SEC14L5: variants seen among roughly 807,000 people sequenced by gnomAD.
The protein encoded by SEC14L5 is SEC14 like lipid binding 5.
In SEC14L5, 96 loss-of-function variants were observed where a neutral mutation model predicts 84.6. The ratio of observed to expected loss-of-function variants is 1.13; its 90% CI spans 0.96 to 1.34. SEC14L5 has a LOEUF of 1.34. Among genes scored for constraint, SEC14L5 ranks in the 40% most tolerant of loss-of-function variants. The probability of loss-of-function intolerance (pLI) is 0.00; values close to 1 mark genes in which losing one functional copy is unlikely to be tolerated. For missense variants in SEC14L5, 1,224 were observed against 942.5 expected, an observed-to-expected ratio of 1.30 and a Z score of -3.91; for synonymous variants, 546 against 383.4, an observed-to-expected ratio of 1.42 and a Z score of -4.95.
At position 5,018,235 on chromosome 16, in the gene SEC14L5, T is replaced by G. The variant is rs960085437; in HGVS notation, c.*3265T>G. 2 of 152,246 alleles carry G rather than the reference T, an allele frequency of 1.3e-5. No individual in the cohort carries two copies. Among genetic ancestry groups the G allele is most frequent in the African/African-American group, 2.4e-5 (1 of 41,466 alleles). 9.4% of individuals were successfully genotyped at this position (152,246 alleles called of 1,614,324 possible). On this transcript the variant is annotated 3_prime_UTR_variant, in exon 16 of 16. Coordinates refer to ENST00000251170, the MANE Select transcript of SEC14L5 (RefSeq NM_014692.2). ...CATTAATGTCAGTGGTCATTCTGAT[T>G]ACTTAATGCTTCGCATCCAAAGACT... is the stretch of plus-strand genomic sequence containing the variant.
At position 4,989,507 on chromosome 16, in the gene SEC14L5, C is replaced by T. The variant is rs180960605; in HGVS notation, c.345+1227C>T. ...GATTACAGGCATGTGCCACCACATC[C>T]GGCTGATTTTTGTATTTTTAGTAGA... On this transcript the variant is annotated intron_variant, in intron 4 of 15. Coordinates refer to ENST00000251170, the MANE Select transcript of SEC14L5 (RefSeq NM_014692.2). Among the ~76,000 whole-genome samples, 10 of 151,952 alleles carry T rather than the reference C, an allele frequency of 6.6e-5. 1 individual carries two copies. The highest frequency in any genetic ancestry group is 9.7e-5 in the African/African-American group (4 of 41,386).
At chr16:4,987,506 G>GT in intron 2 of SEC14L5, 51 bp from the exon 3 acceptor site, 1 of 1,451,874 alleles carries the variant, frequency 6.9e-7, no homozygotes. Flanking sequence ...CTGGGGGGGG[G>GT]GGTCCCTCTG....
Position 4,986,094 on chromosome 16 carries a change from A to G in SEC14L5, c.64-1463A>G, listed in dbSNP as rs146256520. Among the ~76,000 whole-genome samples the G allele has an allele frequency of 1.1e-4, 17 of 150,932 alleles. No individual in the cohort carries two copies. In the South Asian group the frequency reaches 1.3e-3, roughly 11 times the overall value. On this transcript the variant is annotated intron_variant, in intron 2 of 15. Coordinates refer to ENST00000251170, the MANE Select transcript of SEC14L5 (RefSeq NM_014692.2). The stretch of plus-strand genomic sequence containing the variant: ...CATATGACAGGGTTTGGGGGTTTCA[A>G]TTTCTCCACATCCTCACCAACACGT...
At chr16:4,997,398 C>A (rs2142513963) in intron 8 of SEC14L5, among the ~76,000 whole-genome samples, 1 of 152,334 alleles carries the variant, frequency 6.6e-6, no homozygotes, top group Non-Finnish European at 1.5e-5. Flanking sequence ...CCGCACCCGG[C>A]CCAAATGCCC....
intron 2 of SEC14L5, among the ~76,000 whole-genome samples, chr16:4,972,313 G>T (rs9929954): frequency 0.72 from 109,623 of 152,046 alleles, 39,824 homozygotes; most frequent in Admixed American, 0.75. Context: ...TCACTCTATA[G>T]TTTTTTATTG....
intron 1 of SEC14L5, among the ~76,000 whole-genome samples, chr16:4,959,043 TG>T (rs1319614533): frequency 7.4e-6 from 1 of 135,854 alleles, no homozygotes; most frequent in Non-Finnish European, 1.6e-5. Flanking sequence ...GAGGAAAGTT[TG>T]GGGGTGCTGA....
chr16:4,984,662 G>T (rs1259805921), intron 2 of SEC14L5, among the ~76,000 whole-genome samples: 1 of 152,114 alleles, frequency 6.6e-6, no homozygotes, highest in Non-Finnish European at 1.5e-5. Flanking sequence ...GAGGGTTTGG[G>T]GGCTTCAATT....
chr16:4,961,259 C>A (rs549782426), intron 2 of SEC14L5, among the ~76,000 whole-genome samples: 3 of 152,090 alleles, frequency 2.0e-5, no homozygotes, highest in Non-Finnish European at 4.4e-5. Flanking sequence ...GGTGACAGAG[C>A]GAGACTCCGT....
intron 15 of SEC14L5, among the ~76,000 whole-genome samples, chr16:5,013,777 C>G (rs898596030): frequency 6.6e-6 from 1 of 151,888 alleles, no homozygotes; most frequent in African/African-American, 2.4e-5. Flanking sequence ...AGGCTGGTGT[C>G]GAACTCCTGG....
At position 4,959,714 on chromosome 16, in the gene SEC14L5, A is replaced by C. The variant is rs1203530362; in HGVS notation, c.63+328A>C. Among the ~76,000 whole-genome samples the C allele has an allele frequency of 3.3e-5, 5 of 152,186 alleles. No individual in the cohort carries two copies. In the East Asian group the frequency reaches 9.6e-4, roughly 29 times the overall value. ...CATATAATGGCATATCACAGTGATAAATGGAATGGTGGTGATAATGACAAC... is the reference window on the plus strand; with the variant it reads ...CATATAATGGCATATCACAGTGATACATGGAATGGTGGTGATAATGACAAC... On this transcript the variant is annotated intron_variant, in intron 2 of 15. Transcript: ENST00000251170.
intron 6 of SEC14L5, among the ~76,000 whole-genome samples, chr16:4,993,770 G>A (rs894173399): frequency 2.0e-5 from 3 of 152,158 alleles, no homozygotes; most frequent in African/African-American, 7.2e-5. Context: ...GGCTTCCAAT[G>A]AGGTTGTACC....
rs1156236351 is a variant in SEC14L5, at chr16:5,000,894, G to C, written c.1099G>C (p.Gly367Arg). ...VNEEGQKRCEGSTRQLGRPIS... is the reference protein window; with the variant it reads ...VNEEGQKRCERSTRQLGRPIS... Reference sequence around the variant, plus strand: ...CGAGGAAGGACAGAAGCGGTGTGAGGGGAGCACAAGGCAGCTGGGCCGTCC... The same window carrying C: ...CGAGGAAGGACAGAAGCGGTGTGAGCGGAGCACAAGGCAGCTGGGCCGTCC... Residue 367 changes from glycine (G) to arginine (R), a missense_variant, in exon 10 of 16, where the codon GGG becomes CGG. Transcript: ENST00000251170. 1 of 1,609,190 alleles carries C rather than the reference G, an allele frequency of 6.2e-7. No individual in the cohort carries two copies. The highest frequency in any genetic ancestry group is 1.7e-5 in the Admixed American group (1 of 59,230).
chr16:5,007,130 C>T (rs1266342882), intron 12 of SEC14L5, among the ~76,000 whole-genome samples: 1 of 152,188 alleles, frequency 6.6e-6, no homozygotes, highest in Non-Finnish European at 1.5e-5. Flanking sequence ...AGTGGCCTGA[C>T]TTGCCCGAGC....
chr16:4,977,233 G>T (rs1301954904), intron 2 of SEC14L5, among the ~76,000 whole-genome samples: 7 of 151,996 alleles, frequency 4.6e-5, no homozygotes, highest in Non-Finnish European at 1.0e-4. Context: ...GATCCCTTGA[G>T]GTCAGGAGTT....
chr16:5,009,658 C>T (rs1209595016), intron 14 of SEC14L5, among the ~76,000 whole-genome samples: 1 of 152,078 alleles, frequency 6.6e-6, no homozygotes, highest in African/African-American at 2.4e-5. Flanking sequence ...GACTCTATTT[C>T]CAGATAAGGT....
intron 2 of SEC14L5, among the ~76,000 whole-genome samples, chr16:4,964,133 C>A (rs536505951): frequency 6.6e-6 from 1 of 152,164 alleles, no homozygotes; most frequent in African/African-American, 2.4e-5. Flanking sequence ...TTTGAATGCC[C>A]GGGTCCCAGA....
chr16:4,981,634 C>A (rs759097643), intron 2 of SEC14L5, among the ~76,000 whole-genome samples: 10 of 152,088 alleles, frequency 6.6e-5, no homozygotes, highest in African/African-American at 2.2e-4. Flanking sequence ...TGACAACAAG[C>A]CCAGCTGCTG....
At chr16:4,962,636 CGAGATCGT>C (rs1443151961) in intron 2 of SEC14L5, among the ~76,000 whole-genome samples, 1 of 140,540 alleles carries the variant, frequency 7.1e-6, no homozygotes, top group African/African-American at 2.6e-5. Flanking sequence ...TGCAGGGAGC[CGAGATCGT>C]GCCATTGCAC....
intron 2 of SEC14L5, among the ~76,000 whole-genome samples, chr16:4,975,617 G>T (rs1306345880): frequency 6.6e-6 from 1 of 151,948 alleles, no homozygotes; most frequent in African/African-American, 2.4e-5. Flanking sequence ...ATTGTGAATT[G>T]TGCTGCTATA....
Sources: gnomAD v4.1 joint callset for allele counts (sites outside exome capture counted in the v4.1 genomes callset) on GRCh38, gnomAD v4.1.1 for gene constraint, MANE v1.5 for transcripts, NCBI Gene and HGNC (gene_info 2026-07-23, HGNC 2026-07-21) for gene names.